KLHL29: variants seen among roughly 807,000 people sequenced by gnomAD.
KLHL29 encodes the protein kelch like family member 29.
A neutral mutation model predicts 80.4 loss-of-function variants in KLHL29; 21 were observed. The observed-to-expected ratio is 0.26, with a 90% CI of 0.19 to 0.38. KLHL29 has a LOEUF of 0.38. Among genes scored for constraint, KLHL29 ranks in the 10% least tolerant of loss-of-function variants. KLHL29 has a pLI of 1.00. For missense variants in KLHL29, 867 were observed against 1,223.9 expected (o/e 0.71, Z 4.35); for synonymous variants, 511 against 526.8 (o/e 0.97, Z 0.41).
chr2:23,436,723 G>A (rs563379956), intron 1 of KLHL29, among the ~76,000 whole-genome samples: 7 of 152,344 alleles, frequency 4.6e-5, no homozygotes, highest in Non-Finnish European at 7.3e-5. Flanking sequence ...TTCCGCAGCC[G>A]TGGAGAAAAT....
Position 23,707,318 on chromosome 2 carries a change from A to G in KLHL29, c.*654A>G, listed in dbSNP as rs1672795053. The stretch of plus-strand genomic sequence containing the variant: ...TCTACTGTGTTTTTGCTGGAGAAGG[A>G]CAGTGATTGCGCTAGCTTTCTCTTA... On this transcript the variant is annotated 3_prime_UTR_variant, in exon 14 of 14. Transcript: ENST00000486442. 1.3e-5 allele frequency: 2 copies of G among 152,176 alleles called. No individual in the cohort carries two copies. The highest frequency in any genetic ancestry group is 1.3e-4 in the Admixed American group (2 of 15,272). The allele number at this position is 152,176 out of a possible 1,614,324, so 9.4% of individuals were successfully genotyped here. A position where few individuals can be genotyped will look rare whatever the true frequency, so the allele number is the denominator to read the frequency against.
At chr2:23,624,033 G>A (rs544007239) in intron 3 of KLHL29, among the ~76,000 whole-genome samples, 2 of 152,278 alleles carry the variant, frequency 1.3e-5, no homozygotes, top group Admixed American at 1.3e-4. Context: ...ATGAATGAGT[G>A]GGTTGGCTGG....
chr2:23,396,581 G>A (rs1225687252), intron 1 of KLHL29, among the ~76,000 whole-genome samples: 2 of 152,182 alleles, frequency 1.3e-5, no homozygotes, highest in African/African-American at 4.8e-5. Context: ...CCAGGAGGCT[G>A]CGTGCAGTGC....
chr2:23,597,343 G>GTGTGTATGTA (rs1558402719), intron 3 of KLHL29, among the ~76,000 whole-genome samples: 3 of 134,448 alleles, frequency 2.2e-5, no homozygotes, highest in African/African-American at 8.7e-5. Context: ...GTGTGTGTGT[G>GTGTGTATGTA]TGTATGTATA....
Position 23,562,429 on chromosome 2 carries a change from G to A in KLHL29, c.233G>A (p.Ser78Asn). 2.6e-6 allele frequency: 4 copies of A among 1,537,442 alleles called. No individual in the cohort carries two copies. Among genetic ancestry groups the A allele is most frequent in the Non-Finnish European group, 3.5e-6 (4 of 1,146,776 alleles). Reference sequence around the variant, plus strand: ...CCTGCTCCCTGCACCACCGGCAGCAGCGAGGCCATCACCAGCCTCGTGGCC... The same window carrying A: ...CCTGCTCCCTGCACCACCGGCAGCAACGAGGCCATCACCAGCCTCGTGGCC... ...TAPAPCTTGS[S>N]EAITSLVASS... The change falls in exon 3 of 14, where the codon AGC (serine) becomes AAC (asparagine). Residue 78 changes from serine to asparagine, a missense_variant. Physicochemically the swap from Ser to Asn is conservative, Grantham distance 46. Coordinates refer to ENST00000486442, the MANE Select transcript of KLHL29 (RefSeq NM_052920.2). The surrounding 1 kb of genome is among the most constrained non-coding windows in gnomAD (Gnocchi z 4.5).
Position 23,684,638 on chromosome 2 carries a change from CCT to C in KLHL29, c.1079+102_1079+103del, listed in dbSNP as rs1317547024. 9.5e-7 allele frequency: 1 copy of C among 1,050,784 alleles called. No individual in the cohort carries two copies. Among genetic ancestry groups the C allele is most frequent in the South Asian group, 1.9e-5 (1 of 53,110 alleles). 65.1% of individuals were successfully genotyped at this position (1,050,784 alleles called of 1,614,324 possible). ...CTTGCAGGTTCCTGAAGCGTGACTC[CCT>C]GTCACAGAGCCAGTAGCCATCTCTC... On this transcript the variant is annotated intron_variant, in intron 6 of 13. Transcript: ENST00000486442. This position sits in a 1 kb window ranked among gnomAD's most constrained non-coding sequence, Gnocchi z 4.4.
rs559541176 is a variant in KLHL29 at position 23,415,780 on chromosome 2, C to G, written c.-154+30000C>G. Among the ~76,000 whole-genome samples the G allele has an allele frequency of 1.1e-4, 16 of 152,202 alleles. No individual in the cohort carries two copies. The East Asian group carries it at 1.7e-3, about 17-fold the overall frequency. On this transcript the variant is annotated intron_variant, in intron 1 of 13. Coordinates refer to ENST00000486442, the MANE Select transcript of KLHL29 (RefSeq NM_052920.2). ...GTGGCACGATCACAGCTCACTGCAG[C>G]CTTAACCTCCTGGGCTCAGGCGATC...
At chr2:23,635,111 C>T (rs1057484229) in intron 3 of KLHL29, among the ~76,000 whole-genome samples, 1 of 152,220 alleles carries the variant, frequency 6.6e-6, no homozygotes, top group Non-Finnish European at 1.5e-5. Flanking sequence ...CCACACAGGA[C>T]GCTGCTAGTC....
intron 2 of KLHL29, among the ~76,000 whole-genome samples, chr2:23,510,340 A>G (rs946152445): frequency 3.9e-5 from 6 of 152,112 alleles, no homozygotes; most frequent in Non-Finnish European, 7.4e-5. Context: ...CTCATTTAGT[A>G]TCCAGTTTCT....
chr2:23,628,896 G>A (rs1669395339), intron 3 of KLHL29, among the ~76,000 whole-genome samples: 1 of 152,156 alleles, frequency 6.6e-6, no homozygotes, highest in South Asian at 2.1e-4. Context: ...GGCGGGGGTG[G>A]GCCTGGAGTC....
chr2:23,460,536 G>T (rs1484782740), intron 1 of KLHL29, among the ~76,000 whole-genome samples: 1 of 152,108 alleles, frequency 6.6e-6, no homozygotes, highest in Non-Finnish European at 1.5e-5. Context: ...AACAAGAATG[G>T]GGTGAAAATG....
intron 6 of KLHL29, chr2:23,685,509 A>G (rs1482284457): frequency 6.6e-6 from 1 of 152,210 alleles, no homozygotes; most frequent in Admixed American, 6.5e-5. Context: ...GGACTTGCCA[A>G]CTAACCCCGG....
chr2:23,438,876 G>T (rs1663425221), intron 1 of KLHL29, among the ~76,000 whole-genome samples: 1 of 151,184 alleles, frequency 6.6e-6, no homozygotes, highest in African/African-American at 2.4e-5. Flanking sequence ...AATAGTTTCA[G>T]AAGGAATGGT....
At chr2:23,532,599 G>T (rs533583337) in intron 2 of KLHL29, 1 of 456,730 alleles carries the variant, frequency 2.2e-6, no homozygotes, top group Non-Finnish European at 4.4e-6. Flanking sequence ...CTTCAAGAAT[G>T]CACCACTGGA....
chr2:23,571,346 C>A (rs1314336546), intron 3 of KLHL29, among the ~76,000 whole-genome samples: 1 of 152,230 alleles, frequency 6.6e-6, no homozygotes, highest in Non-Finnish European at 1.5e-5. Flanking sequence ...CCAGGCCTGA[C>A]AAAGTGACCT....
intron 3 of KLHL29, among the ~76,000 whole-genome samples, chr2:23,574,632 A>C (rs2103504860): frequency 6.6e-6 from 1 of 152,314 alleles, no homozygotes; most frequent in Non-Finnish European, 1.5e-5. Context: ...TGACAGTCAC[A>C]TGGCACTGTG....
intron 7 of KLHL29, among the ~76,000 whole-genome samples, 193 bp from the exon 8 acceptor site, chr2:23,693,076 G>A (rs1222109616): frequency 6.6e-6 from 1 of 152,154 alleles, no homozygotes. Flanking sequence ...GCATGAAATG[G>A]GGTAGGGGAG....
intron 6 of KLHL29, chr2:23,690,335 A>G (rs1671505777): frequency 6.6e-6 from 1 of 152,144 alleles, no homozygotes; most frequent in Non-Finnish European, 1.5e-5. Context: ...CCGGGAGACC[A>G]AGGCTGCCCA....
At chr2:23,690,024 G>C (rs918654175) in intron 6 of KLHL29, 18 of 152,410 alleles carry the variant, frequency 1.2e-4, no homozygotes, top group African/African-American at 4.1e-4. Context: ...TTGGGGTCCT[G>C]GTGGGATGAG....
Sources: gnomAD v4.1 joint callset for allele counts (sites outside exome capture counted in the v4.1 genomes callset) on GRCh38, gnomAD v4.1.1 for gene constraint, Gnocchi (gnomAD v3.1) non-coding constraint, MANE v1.5 for transcripts, NCBI Gene and HGNC (gene_info 2026-07-23, HGNC 2026-07-21) for gene names.